The following CD163L1 variants were observed in gnomAD, a reference collection of about 807,000 sequenced individuals.
The protein encoded by CD163L1 is CD163 molecule like 1, also known as scavenger receptor cysteine-rich type 1 protein M160.
A neutral mutation model predicts 165.4 loss-of-function variants in CD163L1; 124 were observed. The observed-to-expected ratio is 0.75, with a 90% confidence interval of 0.65 to 0.87. CD163L1 has a LOEUF of 0.87. Among genes scored for constraint, CD163L1 ranks in the 40% least tolerant of loss-of-function variants. The pLI is 0.00. For synonymous variants in CD163L1, 585 were observed against 662.2 expected, an observed-to-expected ratio of 0.88 and a Z score of 1.79; for missense variants, 1,525 against 1,799.9, an observed-to-expected ratio of 0.85 and a Z score of 2.76.
chr12:7,391,660 T>C (rs1214000976), intron 8 of CD163L1, among the ~76,000 whole-genome samples: 1 of 152,024 alleles, frequency 6.6e-6, no homozygotes, highest in Non-Finnish European at 1.5e-5. Context: ...GACCCGTCAG[T>C]GTGCTGTATT....
At chr12:7,333,676 C>T in the CD163L1 span, among the ~76,000 whole-genome samples, 1 of 152,016 alleles carries the variant, frequency 6.6e-6, no homozygotes. Context: ...CTCAAAAAAC[C>T]CTTAAAAAAT....
intron 8 of CD163L1, among the ~76,000 whole-genome samples, chr12:7,391,006 T>C (rs775920852): frequency 1.3e-5 from 2 of 152,146 alleles, no homozygotes; most frequent in African/African-American, 2.4e-5. Flanking sequence ...GCTCCCAGTG[T>C]GATCAACGCA....
In CD163L1 at chr12:7,372,406, G is replaced by A. The variant is rs1029629712; in HGVS notation, c.3730+914C>T. On this transcript the variant is annotated intron_variant, in intron 14 of 19. Coordinates refer to ENST00000313599, the MANE Select transcript of CD163L1 (RefSeq NM_174941.6). The surrounding 1 kb of genome is among the most constrained non-coding windows in gnomAD (Gnocchi z 4.2). ...CTTCAGATATAATCAGAGATTCACC[G>A]AAAATGAATAAGGATGCTTATAATG... Among the ~76,000 whole-genome samples, 5 of 152,068 alleles carry A rather than the reference G, an allele frequency of 3.3e-5. No homozygotes were observed. Among genetic ancestry groups the A allele is most frequent in the African/African-American group, 7.2e-5 (3 of 41,516 alleles).
intron 4 of CD163L1, among the ~76,000 whole-genome samples, chr12:7,424,139 C>T (rs770171824): frequency 5.3e-5 from 8 of 152,106 alleles, no homozygotes; most frequent in African/African-American, 1.7e-4. Context: ...ACGATCAAAT[C>T]GGCTTCATCC....
chr12:7,328,183 C>T, the CD163L1 span: 18 of 822,446 alleles, frequency 2.2e-5, no homozygotes, highest in African/African-American at 3.0e-4. Flanking sequence ...AAGATAATCT[C>T]GACTTTAAAA....
At chr12:7,441,953 A>G (rs1948836253) in intron 1 of CD163L1, among the ~76,000 whole-genome samples, 1 of 152,170 alleles carries the variant, frequency 6.6e-6, no homozygotes, top group African/African-American at 2.4e-5. Flanking sequence ...ACGTGTGGGG[A>G]AAGAATGAAC....
At chr12:7,353,235 G>A (rs1043158957), downstream of CD163L1, among the ~76,000 whole-genome samples, 16 of 151,800 alleles carry the variant, frequency 1.1e-4, no homozygotes, top group Middle Eastern at 3.4e-3. Context: ...GAAAAAAATC[G>A]GTAAATTTGT....
At chr12:7,358,509 G>C (rs1347422951) in intron 18 of CD163L1, among the ~76,000 whole-genome samples, 1 of 151,990 alleles carries the variant, frequency 6.6e-6, no homozygotes, top group Non-Finnish European at 1.5e-5. Flanking sequence ...ACTCACTAGG[G>C]AGCCCCAATG....
rs1947072279 is a variant in CD163L1, at chr12:7,368,613, G to A, written c.4072+320C>T. ...ACGATCTCGGCTCACTGCAATCTCTGCTTCCTGGGTTTAAGTGATTCTCCT... is the reference window on the plus strand; with the variant it reads ...ACGATCTCGGCTCACTGCAATCTCTACTTCCTGGGTTTAAGTGATTCTCCT... On this transcript the variant is annotated intron_variant, in intron 16 of 19. Coordinates refer to ENST00000313599, the MANE Select transcript of CD163L1 (RefSeq NM_174941.6). The surrounding 1 kb of genome is among the most constrained non-coding windows in gnomAD (Gnocchi z 4.3). 6.7e-6 allele frequency among the ~76,000 whole-genome samples: 1 copy of A among 148,322 alleles called. No homozygotes were observed. The highest frequency in any genetic ancestry group is 6.8e-5 in the Admixed American group (1 of 14,630).
rs762296793 is a variant in CD163L1 at position 7,398,404 on chromosome 12, T to C, written c.1589A>G (p.Tyr530Cys). Residue 530 changes from tyrosine to cysteine, a missense_variant, in exon 7 of 20, where the codon TAT (tyrosine) becomes TGT (cysteine). Tyr to Cys is a radical substitution (Grantham distance 194). Transcript: ENST00000313599. This position sits in a 1 kb window ranked among gnomAD's most constrained non-coding sequence, Gnocchi z 4.5. ...GKPLHVFGMT[Y>C]FKEASGPIWL... is the part of the protein sequence containing the mutation. ...AATAGGTCCTGATGCTTCTTTAAAA[T>C]AGGTCATACCAAACACATGCAAAGG... The C allele has an allele frequency of 2.0e-5, 32 of 1,614,034 alleles. No individual in the cohort carries two copies. Among genetic ancestry groups the C allele is most frequent in the Non-Finnish European group, 2.5e-5 (30 of 1,180,024 alleles).
chr12:7,324,079 G>T, the CD163L1 span, among the ~76,000 whole-genome samples: 2 of 152,082 alleles, frequency 1.3e-5, no homozygotes, highest in East Asian at 3.9e-4. Context: ...TCAGGAGGCT[G>T]AGGTGAGAGG....
At chr12:7,328,579 A>G in the CD163L1 span, 23 of 338,596 alleles carry the variant, frequency 6.8e-5, no homozygotes, top group African/African-American at 3.7e-4. Flanking sequence ...TGTTATAATG[A>G]CCAAACTGAC....
In CD163L1 at chr12:7,379,075, G is replaced by A; in HGVS notation, c.2274C>T (p.Gly758=). The change falls in exon 9 of 20, where the codon GGC becomes GGT. Residue 758 remains glycine (G), a synonymous_variant. Transcript: ENST00000313599. ...RTLHILMSNS[G]CTGGEASLWD... ...AGAGAGAGGCTTCCCCTCCAGTGCA[G>A]CCAGAATTCGACATTAAGATGTGTA... 1.2e-6 allele frequency: 2 copies of A among 1,614,140 alleles called. No individual in the cohort carries two copies. Among genetic ancestry groups the A allele is most frequent in the South Asian group, 2.2e-5 (2 of 91,080 alleles).
rs146819401 is a variant in CD163L1 at position 7,429,708 on chromosome 12, G to T, written c.766+2708C>A. On this transcript the variant is annotated intron_variant, in intron 4 of 19. Coordinates refer to ENST00000313599, the MANE Select transcript of CD163L1 (RefSeq NM_174941.6). ...CTCTATCTTAACTATTTTAGCCCTAGTCAAACCACTATCATGTCTTACCTG... is the reference window on the plus strand; with the variant it reads ...CTCTATCTTAACTATTTTAGCCCTATTCAAACCACTATCATGTCTTACCTG... 2.0e-5 allele frequency among the ~76,000 whole-genome samples: 3 copies of T among 151,982 alleles called. 1 individual carries two copies. Among genetic ancestry groups the T allele is most frequent in the African/African-American group, 7.2e-5 (3 of 41,484 alleles).
chr12:7,320,704 G>C, the CD163L1 span: 1 of 1,598,092 alleles, frequency 6.3e-7, no homozygotes, highest in East Asian at 2.2e-5. Flanking sequence ...TCTGACATCT[G>C]TGTCTTTCTC....
At chr12:7,366,330 A>C (rs1947021077) in intron 18 of CD163L1, among the ~76,000 whole-genome samples, 1 of 152,168 alleles carries the variant, frequency 6.6e-6, no homozygotes, top group South Asian at 2.1e-4. Flanking sequence ...TTGATAAATC[A>C]ATAAGGTGAC....
intron 4 of CD163L1, among the ~76,000 whole-genome samples, chr12:7,416,567 C>T (rs906459869): frequency 1.3e-5 from 2 of 152,150 alleles, no homozygotes; most frequent in African/African-American, 4.8e-5. Flanking sequence ...ATGTTTAAGT[C>T]TTTAATCCAT....
chr12:7,321,235 A>G, the CD163L1 span, among the ~76,000 whole-genome samples: 1 of 152,222 alleles, frequency 6.6e-6, no homozygotes, highest in South Asian at 2.1e-4. Context: ...TTAGAACTCA[A>G]AAAAGAAAGA....
chr12:7,427,384 T>C (rs1948562754), intron 4 of CD163L1, among the ~76,000 whole-genome samples: 1 of 152,122 alleles, frequency 6.6e-6, no homozygotes. Context: ...TGTTTATGGA[T>C]TAAAATAATT....
Sources: allele counts gnomAD v4.1 joint callset (sites outside exome capture counted in the v4.1 genomes callset), GRCh38; gene constraint gnomAD v4.1.1; non-coding constraint Gnocchi (gnomAD v3.1); transcripts MANE v1.5; gene names NCBI Gene and HGNC (gene_info 2026-07-23, HGNC 2026-07-21).